Variants in KCNK2 observed in about 807,000 individuals in gnomAD.
KCNK2 encodes the protein potassium two pore domain channel subfamily K member 2, also known as potassium channel subfamily K member 2.
A neutral mutation model predicts 40.5 loss-of-function variants in KCNK2; 21 were observed. That is an observed-to-expected ratio of 0.52 (90% confidence interval 0.37 to 0.75). KCNK2 has a LOEUF of 0.75. KCNK2 is among the 30% of genes least tolerant of loss of function. The pLI is 0.00. For synonymous variants in KCNK2, 191 were observed against 202.2 expected (o/e 0.94, Z 0.47); for missense variants, 399 against 531.6 (o/e 0.75, Z 2.45).
At chr1:215,049,506 G>A (rs12066174) in intron 1 of KCNK2, among the ~76,000 whole-genome samples, 2,040 of 152,094 alleles carry the variant, frequency 0.013, 46 homozygotes, top group African/African-American at 0.046. Context: ...GATGAGGTCC[G>A]ATTTATTAAT....
rs373145310 is a variant in KCNK2, at chr1:215,226,846, A to C, written c.964-7982A>C. Among the ~76,000 whole-genome samples, 17 of 152,346 alleles carry C rather than the reference A, an allele frequency of 1.1e-4. 1 individual carries two copies. The South Asian group carries it at 3.5e-3, about 32-fold the overall frequency. On this transcript the variant is annotated intron_variant, in intron 6 of 6. Coordinates refer to ENST00000444842, the MANE Select transcript of KCNK2 (RefSeq NM_001017425.3). ...ACTTTGAGAATGAGATATTAGCATC[A>C]TAGGCTTCTTAGAATGCTGAGGAGT...
intron 3 of KCNK2, among the ~76,000 whole-genome samples, chr1:215,135,130 C>T (rs1338891822): frequency 6.6e-6 from 1 of 152,092 alleles, no homozygotes; most frequent in Non-Finnish European, 1.5e-5. Context: ...CATATTGATG[C>T]AGACTAGTTT....
intron 6 of KCNK2, among the ~76,000 whole-genome samples, chr1:215,196,297 G>T (rs1213882991): frequency 6.6e-6 from 1 of 151,918 alleles, no homozygotes; most frequent in African/African-American, 2.4e-5. Flanking sequence ...TGTTGGCCAG[G>T]CTGGTCTAGA....
chr1:215,235,243 T>G lies in KCNK2; in HGVS notation c.*98T>G. 9.9e-7 allele frequency: 1 copy of G among 1,008,258 alleles called. No individual in the cohort carries two copies. Among genetic ancestry groups the G allele is most frequent in the East Asian group, 2.4e-5 (1 of 40,912 alleles). The allele number at this position is 1,008,258 out of a possible 1,614,324, so 62.5% of individuals were successfully genotyped here. A position where few individuals can be genotyped will look rare whatever the true frequency, so the allele number is the denominator to read the frequency against. On this transcript the variant is annotated 3_prime_UTR_variant, in exon 7 of 7. Transcript: ENST00000444842. ...AGCATTTTTTAAATTGTGCATGAGC[T>G]CAAAGGGGGAACAAAATAGATACAC...
At chr1:215,059,991 G>A (rs977615105) in intron 1 of KCNK2, among the ~76,000 whole-genome samples, 6 of 152,144 alleles carry the variant, frequency 3.9e-5, no homozygotes, top group African/African-American at 1.2e-4. Context: ...TGCAGTTGAC[G>A]GCACATCAGC....
At chr1:215,089,698 A>G (rs2102534611) in intron 2 of KCNK2, among the ~76,000 whole-genome samples, 1 of 152,304 alleles carries the variant, frequency 6.6e-6, no homozygotes, top group East Asian at 1.9e-4. Context: ...AGGGGCAAAG[A>G]CATCAAAACA....
At chr1:215,134,349 C>G (rs1661806685) in intron 3 of KCNK2, among the ~76,000 whole-genome samples, 1 of 152,194 alleles carries the variant, frequency 6.6e-6, no homozygotes, top group South Asian at 2.1e-4. Flanking sequence ...TGGGTTTCAT[C>G]TGGAGCAGCT....
At chr1:215,197,083 G>A (rs1664897113) in intron 6 of KCNK2, among the ~76,000 whole-genome samples, 1 of 152,112 alleles carries the variant, frequency 6.6e-6, no homozygotes, top group South Asian at 2.1e-4. Flanking sequence ...CCAAAAGTTT[G>A]AAAGCCACTA....
At chr1:215,145,278 TATGTA>T (rs2102605459) in intron 3 of KCNK2, among the ~76,000 whole-genome samples, 1 of 152,294 alleles carries the variant, frequency 6.6e-6, no homozygotes, top group East Asian at 1.9e-4. Flanking sequence ...TTTGTTATAT[TATGTA>T]TTCCTTTTAC....
chr1:215,213,938 C>T (rs1665846476), intron 6 of KCNK2, among the ~76,000 whole-genome samples: 1 of 152,086 alleles, frequency 6.6e-6, no homozygotes, highest in Admixed American at 6.6e-5. Context: ...TTAATTTATC[C>T]TACTGTCCAT....
In KCNK2 at chr1:215,191,283, C is replaced by CAA. The variant is rs34924845; in HGVS notation, c.824-3656_824-3655dup. ...TGGGTGACAGAGTGAGGCTGCATCT[C>CAA]AAAAAAAAAAAAAAATGCCTTTTAA... On this transcript the variant is annotated intron_variant, in intron 5 of 6. Transcript: ENST00000444842. 4.0e-3 allele frequency among the ~76,000 whole-genome samples: 559 copies of CAA among 139,170 alleles called. 9 individuals carry two copies. Among genetic ancestry groups the CAA allele is most frequent in the African/African-American group, 0.014 (521 of 36,490 alleles). The allele number at this position is 139,170 out of a possible 152,430, so 91.3% of individuals were successfully genotyped here.
At chr1:215,230,004 GCACA>G (rs554769217) in intron 6 of KCNK2, among the ~76,000 whole-genome samples, 30 of 144,304 alleles carry the variant, frequency 2.1e-4, no homozygotes, top group African/African-American at 7.3e-4. Flanking sequence ...ACACAGATAT[GCACA>G]CACACAGATT....
At chr1:215,103,069 C>T (rs546226758) in intron 2 of KCNK2, among the ~76,000 whole-genome samples, 5 of 151,850 alleles carry the variant, frequency 3.3e-5, no homozygotes, top group East Asian at 3.9e-4. Flanking sequence ...GAATGAGGAC[C>T]AAGAGGGAAC....
At chr1:215,135,055 GA>G (rs1661842095) in intron 3 of KCNK2, among the ~76,000 whole-genome samples, 1 of 151,856 alleles carries the variant, frequency 6.6e-6, no homozygotes. Flanking sequence ...TAACTTGATG[GA>G]AAAAAAGACT....
intron 1 of KCNK2, among the ~76,000 whole-genome samples, chr1:215,030,064 C>T (rs927470317): frequency 1.3e-5 from 2 of 152,170 alleles, no homozygotes; most frequent in Non-Finnish European, 1.5e-5. Context: ...ACATCCTTGC[C>T]AGCATTTGGT....
In KCNK2 at chr1:215,166,309, C is replaced by T. The variant is rs908041340; in HGVS notation, c.476-2890C>T. Among the ~76,000 whole-genome samples the T allele has an allele frequency of 2.0e-5, 3 of 151,956 alleles. No individual in the cohort carries two copies. In the South Asian group the frequency reaches 6.2e-4, roughly 32 times the overall value. On this transcript the variant is annotated intron_variant, in intron 3 of 6. Coordinates refer to ENST00000444842, the MANE Select transcript of KCNK2 (RefSeq NM_001017425.3). ...TGAACTCTTTTTGAGTTGAGGAGCC[C>T]ACATCCCCCATAGAAGCAAAACAGA...
In KCNK2 at chr1:215,049,503, T is replaced by C. The variant is rs375051118; in HGVS notation, c.35-36865T>C. ...ACAAAAGTTGATAATTTTGATGAGG[T>C]CCGATTTATTAATTCTTTTCTTTTA... On this transcript the variant is annotated intron_variant, in intron 1 of 6. Coordinates refer to the KCNK2 transcript ENST00000391895. Among the ~76,000 whole-genome samples, 84 of 152,112 alleles carry C rather than the reference T, an allele frequency of 5.5e-4. 1 individual carries two copies. The highest frequency in any genetic ancestry group is 1.9e-3 in the African/African-American group (79 of 41,428).
intron 3 of KCNK2, among the ~76,000 whole-genome samples, chr1:215,153,577 T>C (rs769005680): frequency 7.4e-5 from 11 of 149,420 alleles, no homozygotes; most frequent in Non-Finnish European, 1.6e-4. Context: ...TATATATATA[T>C]ATATTTTTTT....
At chr1:215,154,472 G>A (rs1464679950) in intron 3 of KCNK2, among the ~76,000 whole-genome samples, 4 of 151,422 alleles carry the variant, frequency 2.6e-5, no homozygotes, top group Admixed American at 2.6e-4. Context: ...TTTAGATTCT[G>A]GATATTAGAC....
Sources: gnomAD v4.1 joint callset for allele counts (sites outside exome capture counted in the v4.1 genomes callset) on GRCh38, gnomAD v4.1.1 for gene constraint, MANE v1.5 for transcripts, NCBI Gene and HGNC (gene_info 2026-07-23, HGNC 2026-07-21) for gene names.